The following CNKSR2 variants were observed in gnomAD, a reference collection of about 807,000 sequenced individuals.
The protein encoded by CNKSR2 is connector enhancer of kinase suppressor of Ras 2.
A neutral mutation model predicts 84.4 loss-of-function variants in CNKSR2; 14 were observed. That is an observed-to-expected ratio of 0.17 (90% CI 0.11 to 0.26). CNKSR2 has a LOEUF of 0.26. Ranked by LOEUF, CNKSR2 falls within the 10% of genes least tolerant of loss-of-function variation. CNKSR2 has a pLI of 1.00. For synonymous variants in CNKSR2, 275 were observed against 277.9 expected, an observed-to-expected ratio of 0.99 and a Z score of 0.10; for missense variants, 485 against 771.2, an observed-to-expected ratio of 0.63 and a Z score of 4.40.
At chrX:21,651,350 C>A (rs968535883) in intron 21 of CNKSR2, among the ~76,000 whole-genome samples, 1 of 111,270 alleles carries the variant, frequency 9.0e-6, no homozygotes, top group African/African-American at 3.3e-5. Context: ...GCCAAGCAAC[C>A]CTGGATGTGT....
intron 8 of CNKSR2, among the ~76,000 whole-genome samples, chrX:21,511,670 A>G (rs1315544281): frequency 9.0e-6 from 1 of 111,435 alleles, no homozygotes; most frequent in Non-Finnish European, 1.9e-5. Context: ...AGAAAAGCAC[A>G]GTGTTTGAAG....
chrX:21,461,944 G>A (rs781587321), intron 4 of CNKSR2, among the ~76,000 whole-genome samples: 2 of 112,018 alleles, frequency 1.8e-5, no homozygotes, highest in South Asian at 7.4e-4. Flanking sequence ...CTCTATCTCA[G>A]TAGTATAATT....
chrX:21,375,721 T>C (rs1028351866), intron 1 of CNKSR2, among the ~76,000 whole-genome samples: 18 of 112,436 alleles, frequency 1.6e-4, no homozygotes, highest in African/African-American at 5.5e-4. Context: ...TGTAAGGTGA[T>C]GCGCATTCAG....
rs952525067 is a variant in CNKSR2, at chrX:21,642,647, T to C, written c.2693-6184T>C. ...GTATTTTGAAATGTTTTTTTCTTCC[T>C]GTCACCGCAGTGTGTGGTATTGCAT... is the stretch of plus-strand genomic sequence containing the variant. On this transcript the variant is annotated intron_variant, in intron 20 of 21. Transcript: ENST00000379510. 4 of 743,785 alleles carry C rather than the reference T, an allele frequency of 5.4e-6. No individual in the cohort carries two copies. In the African/African-American group the frequency reaches 9.3e-5, roughly 17 times the overall value. 61.3% of individuals were successfully genotyped at this position (743,785 alleles called of 1,213,427 possible).
intron 11 of CNKSR2, among the ~76,000 whole-genome samples, chrX:21,546,356 G>A (rs1370567983): frequency 9.2e-6 from 1 of 109,022 alleles, no homozygotes; most frequent in Non-Finnish European, 1.9e-5. Context: ...AATAAAGCGT[G>A]AAGACAAGAT....
intron 20 of CNKSR2, among the ~76,000 whole-genome samples, chrX:21,625,413 C>T (rs1435815741): frequency 1.8e-5 from 2 of 111,987 alleles, no homozygotes; most frequent in African/African-American, 6.5e-5. Flanking sequence ...TTGGCTGCAA[C>T]CCCTTCCAAC....
chrX:21,449,303 C>CAAAAAAAAA (rs11308049), intron 4 of CNKSR2, among the ~76,000 whole-genome samples: 1 of 44,363 alleles, frequency 2.3e-5, no homozygotes, highest in Non-Finnish European at 4.5e-5. Flanking sequence ...GACTCCGTCT[C>CAAAAAAAAA]AAAAAAAAAA....
chrX:21,617,782 C>T (rs775701129), intron 20 of CNKSR2, among the ~76,000 whole-genome samples: 1 of 110,552 alleles, frequency 9.0e-6, no homozygotes, highest in Admixed American at 9.7e-5. Flanking sequence ...CCAGCCCAAT[C>T]CCAAAATTTA....
chrX:21,451,136 G>A (rs1036755227), intron 4 of CNKSR2, among the ~76,000 whole-genome samples: 8 of 111,616 alleles, frequency 7.2e-5, no homozygotes, highest in Non-Finnish European at 1.5e-4. Context: ...GAGAATCAGT[G>A]CAATAAAATA....
chrX:21,393,944 A>G (rs911607918), intron 1 of CNKSR2, among the ~76,000 whole-genome samples: 3 of 112,270 alleles, frequency 2.7e-5, no homozygotes, highest in African/African-American at 9.7e-5. Context: ...GAATAAAATT[A>G]AAGGGACAAA....
At chrX:21,588,512 TA>T (rs759768814) in intron 13 of CNKSR2, among the ~76,000 whole-genome samples, 1 of 112,525 alleles carries the variant, frequency 8.9e-6, no homozygotes, top group South Asian at 3.7e-4. Flanking sequence ...ATAATATCTT[TA>T]AAAGACATCT....
At chrX:21,558,524 G>A (rs1421508073) in intron 11 of CNKSR2, among the ~76,000 whole-genome samples, 1 of 106,857 alleles carries the variant, frequency 9.4e-6, no homozygotes, top group African/African-American at 3.4e-5. Context: ...CTTCAATTGT[G>A]TATTAGTAAT....
In CNKSR2 at chrX:21,490,536, G is replaced by A; in HGVS notation, c.639G>A (p.Leu213=). 3 of 1,209,182 alleles carry A rather than the reference G, an allele frequency of 2.5e-6. No homozygotes were observed. The highest frequency in any genetic ancestry group is 3.4e-6 in the Non-Finnish European group (3 of 893,693). Residue 213 remains leucine, a synonymous_variant, in exon 6 of 22, where the codon CTG becomes CTA. Coordinates refer to ENST00000379510, the MANE Select transcript of CNKSR2 (RefSeq NM_014927.5). ...CTCTGGTTTCACAGTCTGCTCACCT[G>A]GAAGTGATTCAACTGGCAAACATTA... The part of the protein sequence containing the change: ...SDPLVSQSAH[L]EVIQLANIKP...
At chrX:21,557,033 A>C (rs1174741156) in intron 11 of CNKSR2, among the ~76,000 whole-genome samples, 2 of 109,865 alleles carry the variant, frequency 1.8e-5, no homozygotes, top group Non-Finnish European at 3.8e-5. Flanking sequence ...AGATCTCCCT[A>C]ATGTCACAAT....
intron 1 of CNKSR2, among the ~76,000 whole-genome samples, chrX:21,395,834 A>G (rs1336042966): frequency 1.8e-5 from 2 of 111,537 alleles, no homozygotes; most frequent in African/African-American, 6.5e-5. Flanking sequence ...TTTTCTACCC[A>G]GTAATTAAAT....
chrX:21,492,989 G>A (rs1179458999), intron 6 of CNKSR2: 1 of 112,135 alleles, frequency 8.9e-6, no homozygotes, highest in Non-Finnish European at 1.9e-5. Flanking sequence ...AATTTAATTA[G>A]CTTAGAAATA....
At chrX:21,501,809 C>T (rs996817523) in intron 8 of CNKSR2, among the ~76,000 whole-genome samples, 4 of 110,004 alleles carry the variant, frequency 3.6e-5, no homozygotes, top group African/African-American at 9.9e-5. Context: ...GTTAGATATA[C>T]ATTTCTGTAT....
intron 11 of CNKSR2, among the ~76,000 whole-genome samples, chrX:21,542,312 C>T (rs1268400547): frequency 8.9e-6 from 1 of 111,935 alleles, no homozygotes; most frequent in Non-Finnish European, 1.9e-5. Context: ...TCCAGTGTGA[C>T]CTTGGGGATG....
chrX:21,564,922 T>C (rs181250990), intron 13 of CNKSR2, among the ~76,000 whole-genome samples: 200 of 111,291 alleles, frequency 1.8e-3, no homozygotes, highest in African/African-American at 6.2e-3. Flanking sequence ...TCCACAGACA[T>C]TCAGAGTCAG....
Sources: gnomAD v4.1 joint callset for allele counts (sites outside exome capture counted in the v4.1 genomes callset) on GRCh38, gnomAD v4.1.1 for gene constraint, MANE v1.5 for transcripts, NCBI Gene and HGNC (gene_info 2026-07-23, HGNC 2026-07-21) for gene names.